Variants in IVNS1ABP observed in about 807,000 individuals in gnomAD.
IVNS1ABP encodes influenza virus NS1A binding protein, also known as influenza virus NS1A-binding protein.
In IVNS1ABP, 25 loss-of-function variants were observed where a neutral mutation model predicts 78.9. That is an observed-to-expected ratio of 0.32 (90% CI 0.23 to 0.44). The LOEUF is 0.44. Among genes scored for constraint, IVNS1ABP ranks in the 20% least tolerant of loss-of-function variants. The pLI is 1.00. For missense variants in IVNS1ABP, 494 were observed against 768.9 expected (o/e 0.64, Z 4.23); for synonymous variants, 241 against 259.7 (o/e 0.93, Z 0.69).
intron 1 of IVNS1ABP, among the ~76,000 whole-genome samples, chr1:185,312,564 C>T (rs953740145): frequency 3.3e-5 from 5 of 152,180 alleles, no homozygotes; most frequent in Admixed American, 1.3e-4. Context: ...CCTAACAGGT[C>T]TCTCTGTAAC....
At position 185,308,837 on chromosome 1, in the gene IVNS1ABP, G is replaced by T. The variant is rs1406639483; in HGVS notation, c.320C>A (p.Ser107Tyr). The T allele has an allele frequency of 1.9e-6, 3 of 1,609,814 alleles. No individual in the cohort carries two copies. Among genetic ancestry groups the T allele is most frequent in the Non-Finnish European group, 2.5e-6 (3 of 1,179,358 alleles). The change falls in exon 5 of 15, where the codon TCT (serine) becomes TAT (tyrosine). Residue 107 changes from serine (S) to tyrosine (Y), a missense_variant. Ser to Tyr is a moderately radical substitution (Grantham distance 144). Coordinates refer to ENST00000367498, the MANE Select transcript of IVNS1ABP (RefSeq NM_006469.5). ...ATCCATCTTCAGCTTTTTTGCTGCA[G>T]AATAAACATCTTTTACCAATTCCTT... is the stretch of plus-strand genomic sequence containing the variant. ...ADKELVKDVY[S>Y]AAKKLKMDRV...
chr1:185,296,976 A>C lies in IVNS1ABP; in HGVS notation c.*1059T>G, dbSNP rs532416886. Reference sequence around the variant, plus strand: ...CATTAGGACATGCTATTTTGGCCCCATAAGTTAGGTGTGTAGCACTACACA... The same window carrying C: ...CATTAGGACATGCTATTTTGGCCCCCTAAGTTAGGTGTGTAGCACTACACA... On this transcript the variant is annotated 3_prime_UTR_variant, in exon 15 of 15. Transcript: ENST00000367498. 1 of 152,146 alleles carries C rather than the reference A, an allele frequency of 6.6e-6. No individual in the cohort carries two copies. The highest frequency in any genetic ancestry group is 1.5e-5 in the Non-Finnish European group (1 of 68,006). The allele number at this position is 152,146 out of a possible 1,614,324, so 9.4% of individuals were successfully genotyped here. A position where few individuals can be genotyped will look rare whatever the true frequency, so the allele number is the denominator to read the frequency against.
At chr1:185,308,160 T>A in intron 5 of IVNS1ABP, 1 of 1,157,706 alleles carries the variant, frequency 8.6e-7, no homozygotes, top group Non-Finnish European at 1.2e-6. Flanking sequence ...AAAGGAGTGG[T>A]ATTAGAAGAA....
intron 1 of IVNS1ABP, among the ~76,000 whole-genome samples, chr1:185,313,883 G>A (rs571942075): frequency 9.8e-4 from 149 of 152,234 alleles, no homozygotes; most frequent in African/African-American, 3.5e-3. Flanking sequence ...AAGGGATACC[G>A]AAGACTCATA....
chr1:185,307,256 A>C, intron 6 of IVNS1ABP, 117 bp from the exon 7 acceptor site: 1 of 1,279,134 alleles, frequency 7.8e-7, no homozygotes, highest in Admixed American at 2.5e-5. Flanking sequence ...CATTTACTCT[A>C]ATTTGTAAGG....
chr1:185,312,557 A>G (rs1341381506), intron 1 of IVNS1ABP, among the ~76,000 whole-genome samples: 2 of 152,200 alleles, frequency 1.3e-5, no homozygotes, highest in Admixed American at 1.3e-4. Context: ...CATGTGTCCT[A>G]ACAGGTCTCT....
At chr1:185,310,995 G>A in intron 2 of IVNS1ABP, 100 bp downstream of exon 2, 1 of 273,236 alleles carries the variant, frequency 3.7e-6, no homozygotes, top group South Asian at 1.7e-4. Flanking sequence ...TGACTTCTCT[G>A]CCTTTAAAAA....
Position 185,317,212 on chromosome 1 carries a change from C to T in IVNS1ABP, c.-506G>A. 1 of 398,442 alleles carries T rather than the reference C, an allele frequency of 2.5e-6. No homozygotes were observed. The highest frequency in any genetic ancestry group is 3.6e-5 in the East Asian group (1 of 28,060). 24.7% of individuals were successfully genotyped at this position (398,442 alleles called of 1,614,324 possible). A position where few individuals can be genotyped will look rare whatever the true frequency, so the allele number is the denominator to read the frequency against. On this transcript the variant is annotated 5_prime_UTR_variant, in exon 1 of 15. Transcript: ENST00000367498. ...AGAAACTGCGCCCAGCAGCTCTGAG[C>T]GACCGACCTCCACGCGCGACCGGGA...
At chr1:185,306,182 A>G (rs1479595314) in intron 7 of IVNS1ABP, 1 of 175,066 alleles carries the variant, frequency 5.7e-6, no homozygotes, top group African/African-American at 2.4e-5. Flanking sequence ...TCAAGTGGGA[A>G]TCATAGAATT....
intron 11 of IVNS1ABP, 36 bp downstream of exon 11, chr1:185,300,401 T>TA (rs1364449834): frequency 6.2e-7 from 1 of 1,613,382 alleles, no homozygotes; most frequent in Non-Finnish European, 8.5e-7. Context: ...AGGAAAAAGC[T>TA]AAATAGGGGT....
chr1:185,301,080 TTAA>T lies in IVNS1ABP; in HGVS notation c.1009_1011del (p.Leu337del). 1 of 1,613,526 alleles carries T rather than the reference TTAA, an allele frequency of 6.2e-7. No homozygotes were observed. Among genetic ancestry groups the T allele is most frequent in the Non-Finnish European group, 8.5e-7 (1 of 1,179,674 alleles). ...AGCTCATCTTGTTGCATCTCAAAGC[TTAA>T]ACTCTTACTTAGTTTTGGAGTACTT... On this transcript the variant is annotated inframe_deletion, in exon 10 of 15. Coordinates refer to ENST00000367498, the MANE Select transcript of IVNS1ABP (RefSeq NM_006469.5).
Position 185,301,035 on chromosome 1 carries a change from G to C in IVNS1ABP, c.1057C>G (p.Pro353Ala). The C allele has an allele frequency of 6.2e-7, 1 of 1,613,542 alleles. No homozygotes were observed. The highest frequency in any genetic ancestry group is 8.5e-7 in the Non-Finnish European group (1 of 1,179,690). ...QDELIEKPMSPMQYARSGLGT... is the reference protein window; with the variant it reads ...QDELIEKPMSAMQYARSGLGT... ...AGACCAGATCGTGCGTACTGCATAG[G>C]AGACATGGGCTTTTCGATTAGCTCA... The change falls in exon 10 of 15, where the codon CCT becomes GCT. Residue 353 changes from proline (P) to alanine (A), a missense_variant. Coordinates refer to ENST00000367498, the MANE Select transcript of IVNS1ABP (RefSeq NM_006469.5).
At position 185,297,091 on chromosome 1, in the gene IVNS1ABP, C is replaced by T. The variant is rs1665439465; in HGVS notation, c.*944G>A. Reference sequence around the variant, plus strand: ...GTTCTGATAAAACCTGCATTCACAACCTAATGTAGTTTAAAGTAAATTTTT... The same window carrying T: ...GTTCTGATAAAACCTGCATTCACAATCTAATGTAGTTTAAAGTAAATTTTT... On this transcript the variant is annotated 3_prime_UTR_variant, in exon 15 of 15. Transcript: ENST00000367498. The T allele has an allele frequency of 6.6e-6, 1 of 152,022 alleles. No individual in the cohort carries two copies. The highest frequency in any genetic ancestry group is 1.5e-5 in the Non-Finnish European group (1 of 67,998). 9.4% of individuals were successfully genotyped at this position (152,022 alleles called of 1,614,324 possible). A position where few individuals can be genotyped will look rare whatever the true frequency, so the allele number is the denominator to read the frequency against.
At chr1:185,315,567 C>T (rs1307771987) in intron 1 of IVNS1ABP, among the ~76,000 whole-genome samples, 5 of 152,200 alleles carry the variant, frequency 3.3e-5, no homozygotes, top group Non-Finnish European at 5.9e-5. Flanking sequence ...AAGCAGCCTG[C>T]CAGCTGGCGT....
Position 185,301,211 on chromosome 1 carries a change from G to A in IVNS1ABP, c.896-15C>T, listed in dbSNP as rs78284951. On this transcript the variant is annotated splice_polypyrimidine_tract_variant and intron_variant, in intron 9 of 14. Coordinates refer to ENST00000367498, the MANE Select transcript of IVNS1ABP (RefSeq NM_006469.5). ...GTAAGTGTTATCTGTAAGCACAAGA[G>A]TTCCATGTTTAAGATGTAATTATTA... The A allele has an allele frequency of 5.9e-3, 9,430 of 1,595,802 alleles. 264 individuals carry two copies. The East Asian group carries it at 0.085, about 14-fold the overall frequency.
chr1:185,301,538 T>C lies in IVNS1ABP; in HGVS notation c.791A>G (p.His264Arg). The part of the protein sequence containing the change: ...VQKKPPRENG[H>R]KQISSSSTGC... ...AGTTGAACTGCTACTTATCTGCTTA[T>C]GGCCATTCTCACGTGGTGGCTTTTT... The change falls in exon 9 of 15, where the codon CAT becomes CGT. Residue 264 changes from histidine (H) to arginine (R), a missense_variant. Physicochemically the swap from His to Arg is conservative, Grantham distance 29. Coordinates refer to ENST00000367498, the MANE Select transcript of IVNS1ABP (RefSeq NM_006469.5). 1.2e-6 allele frequency: 2 copies of C among 1,613,162 alleles called. No homozygotes were observed. Among genetic ancestry groups the C allele is most frequent in the East Asian group, 2.2e-5 (1 of 44,852 alleles).
chr1:185,305,712 C>G lies in IVNS1ABP; in HGVS notation c.658-69G>C. The G allele has an allele frequency of 6.4e-7, 1 of 1,564,878 alleles. No individual in the cohort carries two copies. The highest frequency in any genetic ancestry group is 8.7e-7 in the Non-Finnish European group (1 of 1,147,382). ...GGCTACTCCACTAGTATGCAGATTA[C>G]ACAAACGCCTCAAGGTAACCTCCAG... On this transcript the variant is annotated intron_variant, in intron 7 of 14. Coordinates refer to ENST00000367498, the MANE Select transcript of IVNS1ABP (RefSeq NM_006469.5). This position sits in a 1 kb window ranked among gnomAD's most constrained non-coding sequence, Gnocchi z 4.0.
In IVNS1ABP at chr1:185,298,466, CAAATCAATAA is replaced by C. The variant is rs895061950; in HGVS notation, c.1676-188_1676-179del. The C allele has an allele frequency of 2.6e-5, 16 of 615,460 alleles. No individual in the cohort carries two copies. The highest frequency in any genetic ancestry group is 4.1e-5 in the Non-Finnish European group (15 of 368,878). 38.1% of individuals were successfully genotyped at this position (615,460 alleles called of 1,614,324 possible). A position where few individuals can be genotyped will look rare whatever the true frequency, so the allele number is the denominator to read the frequency against. On this transcript the variant is annotated intron_variant, in intron 14 of 14. Transcript: ENST00000367498. The surrounding 1 kb of genome is among the most constrained non-coding windows in gnomAD (Gnocchi z 4.1). ...CAAATACTCTCTAAGAGCTGGGAAT[CAAATCAATAA>C]AAAAACCATTCCCACGTGGAACTTA...
rs890545238 is a variant in IVNS1ABP at position 185,301,518 on chromosome 1, A to T, written c.811T>A (p.Ser271Thr). ...ENGHKQISSSSTGCLSSPNAT... is the reference protein window; with the variant it reads ...ENGHKQISSSTTGCLSSPNAT... ...TTTGGAGAAGAGAGACATCCAGTTG[A>T]ACTGCTACTTATCTGCTTATGGCCA... is the stretch of plus-strand genomic sequence containing the variant. The change falls in exon 9 of 15, where the codon TCA becomes ACA. Residue 271 changes from serine (S) to threonine (T), a missense_variant. By Grantham distance (58) the Ser-to-Thr change is moderately conservative. Transcript: ENST00000367498. The T allele has an allele frequency of 1.2e-6, 2 of 1,613,104 alleles. No homozygotes were observed. Among genetic ancestry groups the T allele is most frequent in the Non-Finnish European group, 1.7e-6 (2 of 1,179,396 alleles).
Sources: allele counts gnomAD v4.1 joint callset (sites outside exome capture counted in the v4.1 genomes callset), GRCh38; gene constraint gnomAD v4.1.1; non-coding constraint Gnocchi (gnomAD v3.1); transcripts MANE v1.5; gene names NCBI Gene and HGNC (gene_info 2026-07-23, HGNC 2026-07-21).